The following OIT3 variants were observed in gnomAD, a reference collection of about 807,000 sequenced individuals.
The protein encoded by OIT3 is oncoprotein induced transcript 3.
A neutral mutation model predicts 52.2 loss-of-function variants in OIT3; 41 were observed. The ratio of observed to expected loss-of-function variants is 0.79; its 90% CI spans 0.61 to 1.02. The LOEUF (loss-of-function observed/expected upper bound fraction) is 1.02, where lower values mean the gene tolerates loss of function less well. OIT3 is among the 50% of genes least tolerant of loss of function. OIT3 has a pLI of 0.00. For synonymous variants in OIT3, 244 were observed against 276.9 expected, an observed-to-expected ratio of 0.88 and a Z score of 1.18; for missense variants, 634 against 715.5, an observed-to-expected ratio of 0.89 and a Z score of 1.30.
chr10:72,906,533 G>C (rs534918813), intron 3 of OIT3, 63 bp from the exon 4 acceptor site: 11 of 1,591,926 alleles, frequency 6.9e-6, no homozygotes, highest in South Asian at 2.2e-5. Flanking sequence ...AATTCTGCCC[G>C]GGGGGTTGGG....
intron 6 of OIT3, among the ~76,000 whole-genome samples, chr10:72,920,827 G>T (rs754761540): frequency 6.6e-6 from 1 of 152,150 alleles, no homozygotes; most frequent in Non-Finnish European, 1.5e-5. Flanking sequence ...CATTTGCTGA[G>T]GAGTGTTTTA....
chr10:72,906,881 G>A (rs1845985511), intron 4 of OIT3, among the ~76,000 whole-genome samples, 163 bp downstream of exon 4: 1 of 152,194 alleles, frequency 6.6e-6, no homozygotes, highest in African/African-American at 2.4e-5. Context: ...CTCACGCTAT[G>A]GACAGAATTC....
intron 6 of OIT3, among the ~76,000 whole-genome samples, chr10:72,921,663 T>TTTTC (rs1477527983): frequency 1.3e-5 from 2 of 151,708 alleles, no homozygotes; most frequent in Admixed American, 6.6e-5. Context: ...AATTCTTTTC[T>TTTTC]TTTCTTTCTT....
At chr10:72,903,346 C>G (rs1845950260) in intron 3 of OIT3, among the ~76,000 whole-genome samples, 1 of 152,144 alleles carries the variant, frequency 6.6e-6, no homozygotes. Flanking sequence ...CCGCCTCAGC[C>G]TCTAGAGTAG....
intron 6 of OIT3, among the ~76,000 whole-genome samples, chr10:72,920,461 G>C (rs554972441): frequency 1.3e-5 from 2 of 152,046 alleles, no homozygotes; most frequent in African/African-American, 4.8e-5. Context: ...GTTATTTCTT[G>C]TCTTCTGCTA....
chr10:72,930,473 G>GTT, intron 7 of OIT3, 65 bp from the exon 8 acceptor site: 2 of 1,225,900 alleles, frequency 1.6e-6, no homozygotes, highest in East Asian at 4.7e-5. Context: ...AAAATGTTGG[G>GTT]TTAGATTGTT....
chr10:72,931,922 A>T (rs1846219955), intron 8 of OIT3, among the ~76,000 whole-genome samples: 2 of 152,230 alleles, frequency 1.3e-5, no homozygotes, highest in Admixed American at 6.5e-5. Context: ...TCAGGCAGGA[A>T]GCTCAGGCAG....
chr10:72,931,121 A>G (rs1168523001), intron 8 of OIT3, among the ~76,000 whole-genome samples: 1 of 152,200 alleles, frequency 6.6e-6, no homozygotes. Flanking sequence ...TTATAGGGAG[A>G]AGTATACAGT....
At chr10:72,925,115 CAA>C (rs751143274) in intron 7 of OIT3, among the ~76,000 whole-genome samples, 8 of 38,008 alleles carry the variant, frequency 2.1e-4, no homozygotes, top group Admixed American at 5.8e-4. Flanking sequence ...CCTAAAATCT[CAA>C]AAAAAAAAAA....
chr10:72,932,646 T>A lies in OIT3; in HGVS notation c.*122T>A. The A allele has an allele frequency of 1.2e-6, 1 of 817,748 alleles. No homozygotes were observed. The highest frequency in any genetic ancestry group is 1.9e-6 in the Non-Finnish European group (1 of 533,174). 50.7% of individuals were successfully genotyped at this position (817,748 alleles called of 1,614,324 possible). A position where few individuals can be genotyped will look rare whatever the true frequency, so the allele number is the denominator to read the frequency against. On this transcript the variant is annotated 3_prime_UTR_variant, in exon 9 of 9. Transcript: ENST00000334011. ...CAGACTTCACACTGTGAGTTCAGACTCCCAGCACCAACTCACTCTGATTCT... is the reference window on the plus strand; with the variant it reads ...CAGACTTCACACTGTGAGTTCAGACACCCAGCACCAACTCACTCTGATTCT...
At chr10:72,926,117 G>A (rs1270266233) in intron 7 of OIT3, among the ~76,000 whole-genome samples, 1 of 152,208 alleles carries the variant, frequency 6.6e-6, no homozygotes, top group Admixed American at 6.5e-5. Flanking sequence ...ACAGTCTCAG[G>A]TAGGATCAGG....
rs1342391809 is a variant in OIT3 at position 72,924,624 on chromosome 10, A to T, written c.1347A>T (p.Lys449Asn). Residue 449 changes from lysine (K) to asparagine (N), a missense_variant, in exon 7 of 9, where the codon AAA (lysine) becomes AAT (asparagine). Physicochemically the swap from Lys to Asn is moderately conservative, Grantham distance 94 (BLOSUM62 0). Transcript: ENST00000334011. ...TPTSKIDEVL[K>N]YYLIRDGCVS... ...CCTCCAAGATCGACGAGGTCCTGAA[A>T]TACTACCTCATCCGGGATGGGTAAT... The T allele has an allele frequency of 3.1e-6, 5 of 1,611,504 alleles. No individual in the cohort carries two copies. Among genetic ancestry groups the T allele is most frequent in the Admixed American group, 1.7e-5 (1 of 59,844 alleles).
intron 3 of OIT3, among the ~76,000 whole-genome samples, chr10:72,903,068 G>A (rs2132928288): frequency 6.6e-6 from 1 of 152,212 alleles, no homozygotes; most frequent in South Asian, 2.1e-4. Context: ...TTTTGTGTTT[G>A]TAAGCATGTG....
At chr10:72,902,261 A>G (rs747767118) in intron 3 of OIT3, among the ~76,000 whole-genome samples, 3 of 152,102 alleles carry the variant, frequency 2.0e-5, no homozygotes, top group Non-Finnish European at 4.4e-5. Flanking sequence ...ATTTCTGTTC[A>G]AAAATATTTG....
chr10:72,925,761 G>T (rs778347537), intron 7 of OIT3, among the ~76,000 whole-genome samples: 1 of 152,022 alleles, frequency 6.6e-6, no homozygotes, highest in African/African-American at 2.4e-5. Context: ...ATATGCGCAC[G>T]ACCATGCCCA....
chr10:72,909,117 C>CTT (rs35778299), intron 4 of OIT3, among the ~76,000 whole-genome samples: 67 of 111,722 alleles, frequency 6.0e-4, no homozygotes, highest in African/African-American at 1.4e-3. Flanking sequence ...TTCCCAGTGT[C>CTT]TTTTTTTTTT....
chr10:72,928,141 T>C (rs1014642875), intron 7 of OIT3, among the ~76,000 whole-genome samples: 7 of 152,218 alleles, frequency 4.6e-5, no homozygotes, highest in Non-Finnish European at 8.8e-5. Context: ...TTCTCCCCGA[T>C]ATTGAACACA....
chr10:72,895,131 G>A (rs1845862874), intron 1 of OIT3, among the ~76,000 whole-genome samples: 1 of 152,134 alleles, frequency 6.6e-6, no homozygotes, highest in African/African-American at 2.4e-5. Context: ...ACTGGGTGTG[G>A]GGTATGTGGG....
intron 3 of OIT3, 73 bp downstream of exon 3, chr10:72,900,557 G>T: frequency 1.3e-6 from 1 of 766,374 alleles, no homozygotes; most frequent in South Asian, 1.6e-5. Flanking sequence ...TCCTGCCTCA[G>T]AGCACCATCA....
Sources: allele counts gnomAD v4.1 joint callset (sites outside exome capture counted in the v4.1 genomes callset), GRCh38; gene constraint gnomAD v4.1.1; transcripts MANE v1.5; gene names NCBI Gene and HGNC (gene_info 2026-07-23, HGNC 2026-07-21).